KAZN: variants seen among roughly 807,000 people sequenced by gnomAD.
The protein encoded by KAZN is kazrin, periplakin interacting protein, also known as kazrin.
In KAZN, 40 loss-of-function variants were observed where a neutral mutation model predicts 87.4. The ratio of observed to expected loss-of-function variants is 0.46; its 90% CI spans 0.36 to 0.60. KAZN has a LOEUF of 0.60. Ranked by LOEUF, KAZN falls within the 20% of genes least tolerant of loss-of-function variation. The pLI is 0.00. For missense variants in KAZN, 898 were observed against 1,073.9 expected, an observed-to-expected ratio of 0.84 and a Z score of 2.29; for synonymous variants, 466 against 458.3, an observed-to-expected ratio of 1.02 and a Z score of -0.22.
intron 1 of KAZN, among the ~76,000 whole-genome samples, chr1:14,637,862 C>A (rs1680112924): frequency 1.3e-5 from 2 of 152,168 alleles, no homozygotes; most frequent in Non-Finnish European, 2.9e-5. Flanking sequence ...TCAAACAACA[C>A]AGATTTATTC....
At chr1:14,026,776 C>T (rs752632489) in intron 1 of KAZN, among the ~76,000 whole-genome samples, 1 of 152,164 alleles carries the variant, frequency 6.6e-6, no homozygotes, top group African/African-American at 2.4e-5. Flanking sequence ...ATAGCACAGC[C>T]CTGCTCTCAG....
chr1:15,054,986 G>T (rs900644022), intron 4 of KAZN, among the ~76,000 whole-genome samples: 1 of 151,968 alleles, frequency 6.6e-6, no homozygotes, highest in Non-Finnish European at 1.5e-5. Flanking sequence ...CGTGTAGGCT[G>T]ATCGTGCACC....
intron 1 of KAZN, among the ~76,000 whole-genome samples, chr1:13,923,456 C>G (rs1570287861): frequency 6.6e-6 from 1 of 151,542 alleles, no homozygotes; most frequent in South Asian, 2.1e-4. Flanking sequence ...GCCTGTAGTC[C>G]CAGCTACTGG....
chr1:14,038,892 G>A (rs946615065), intron 1 of KAZN, among the ~76,000 whole-genome samples: 3 of 152,152 alleles, frequency 2.0e-5, no homozygotes, highest in Non-Finnish European at 4.4e-5. Context: ...AAGGCCAGGC[G>A]CAGTGGCTCA....
chr1:14,907,787 T>TG (rs1656779469), intron 1 of KAZN, among the ~76,000 whole-genome samples: 1 of 152,072 alleles, frequency 6.6e-6, no homozygotes, highest in South Asian at 2.1e-4. Context: ...GGATGGCAAT[T>TG]GGGGTCTCAG....
chr1:14,722,811 C>G (rs920313144), intron 1 of KAZN, among the ~76,000 whole-genome samples: 7 of 152,146 alleles, frequency 4.6e-5, no homozygotes, highest in Non-Finnish European at 8.8e-5. Context: ...GAGTTTGAAG[C>G]AAATCCCAGG....
At chr1:14,251,836 A>G (rs144117604) in intron 2 of KAZN, among the ~76,000 whole-genome samples, 156 of 151,562 alleles carry the variant, frequency 1.0e-3, no homozygotes, top group African/African-American at 3.7e-3. Context: ...TTTTGTAGAG[A>G]CGGGGTCTCA....
At chr1:14,077,699 G>A (rs1643515323) in intron 1 of KAZN, among the ~76,000 whole-genome samples, 1 of 152,188 alleles carries the variant, frequency 6.6e-6, no homozygotes, top group African/African-American at 2.4e-5. Context: ...CCTAAGCCCT[G>A]GTACCTGTGA....
At chr1:15,088,939 C>G (rs1378905189) in intron 8 of KAZN, among the ~76,000 whole-genome samples, 1 of 152,168 alleles carries the variant, frequency 6.6e-6, no homozygotes, top group Non-Finnish European at 1.5e-5. Flanking sequence ...AGCCCTGAGG[C>G]CTGCTCACTA....
At chr1:14,684,384 C>T (rs1307774508) in intron 1 of KAZN, among the ~76,000 whole-genome samples, 1 of 152,304 alleles carries the variant, frequency 6.6e-6, no homozygotes, top group Non-Finnish European at 1.5e-5. Flanking sequence ...TGCCGTTTTT[C>T]CCATCTGCAA....
chr1:14,542,627 G>C (rs555614231), intron 2 of KAZN, among the ~76,000 whole-genome samples: 1 of 152,210 alleles, frequency 6.6e-6, no homozygotes, highest in Non-Finnish European at 1.5e-5. Context: ...GTGTGATGCT[G>C]AGGTTTGGAG....
At chr1:15,071,983 A>G (rs1055272706) in intron 8 of KAZN, among the ~76,000 whole-genome samples, 1 of 152,206 alleles carries the variant, frequency 6.6e-6, no homozygotes, top group Non-Finnish European at 1.5e-5. Flanking sequence ...TCCTCAACGG[A>G]AGATTTGCCT....
At chr1:14,758,452 C>T (rs1644638132) in intron 1 of KAZN, among the ~76,000 whole-genome samples, 1 of 151,384 alleles carries the variant, frequency 6.6e-6, no homozygotes, top group African/African-American at 2.4e-5. Flanking sequence ...GGATTACAGG[C>T]ATGTGGCATC....
At chr1:14,562,309 T>C (rs913939484) in intron 2 of KAZN, among the ~76,000 whole-genome samples, 2 of 152,078 alleles carry the variant, frequency 1.3e-5, no homozygotes, top group Non-Finnish European at 2.9e-5. Context: ...TCTGAAATAT[T>C]TGGGATACGG....
At chr1:14,704,815 G>A (rs1186641458) in intron 1 of KAZN, among the ~76,000 whole-genome samples, 1 of 152,222 alleles carries the variant, frequency 6.6e-6, no homozygotes, top group Non-Finnish European at 1.5e-5. Context: ...GTGAGGTCAA[G>A]TTACCCATTG....
intron 2 of KAZN, among the ~76,000 whole-genome samples, chr1:15,000,841 C>T (rs775772820): frequency 3.0e-4 from 45 of 151,960 alleles, no homozygotes; most frequent in Admixed American, 1.0e-3. Context: ...CAGTGGCTCA[C>T]GCCTGTAATC....
chr1:14,931,651 C>A (rs961404306), intron 1 of KAZN, among the ~76,000 whole-genome samples: 1 of 152,120 alleles, frequency 6.6e-6, no homozygotes, highest in African/African-American at 2.4e-5. Flanking sequence ...AAGTACCCTG[C>A]GTAATTTTGG....
At chr1:14,118,478 T>A (rs910844787) in intron 1 of KAZN, among the ~76,000 whole-genome samples, 2 of 152,224 alleles carry the variant, frequency 1.3e-5, no homozygotes, top group African/African-American at 4.8e-5. Flanking sequence ...TTTGTCTTGC[T>A]CAGTGAGTCT....
chr1:15,034,557 A>G (rs917648717), intron 2 of KAZN, among the ~76,000 whole-genome samples, 192 bp from the exon 3 acceptor site: 3 of 152,328 alleles, frequency 2.0e-5, no homozygotes, highest in African/African-American at 4.8e-5. Flanking sequence ...GGCTCTCGAC[A>G]TAGGTGAGCC....
Sources: allele counts gnomAD v4.1 joint callset (sites outside exome capture counted in the v4.1 genomes callset), GRCh38; gene constraint gnomAD v4.1.1; transcripts MANE v1.5; gene names NCBI Gene and HGNC (gene_info 2026-07-23, HGNC 2026-07-21).